The following CRYBG3 variants were observed in gnomAD, a reference collection of about 807,000 sequenced individuals.
The protein encoded by CRYBG3 is very large A-kinase anchor protein.
In CRYBG3, 127 loss-of-function variants were observed where a neutral mutation model predicts 244.2. That is an observed-to-expected ratio of 0.52 (90% CI 0.45 to 0.60). CRYBG3 has a LOEUF of 0.60. Among genes scored for constraint, CRYBG3 ranks in the 20% least tolerant of loss-of-function variants. CRYBG3 has a pLI of 0.00. For synonymous variants in CRYBG3, 1,132 were observed against 1,195.8 expected (o/e 0.95, Z 1.10); for missense variants, 3,325 against 3,442.5 (o/e 0.97, Z 0.85).
At chr3:97,862,741 G>C (rs1274145852) in intron 2 of CRYBG3, among the ~76,000 whole-genome samples, 1 of 148,614 alleles carries the variant, frequency 6.7e-6, no homozygotes, top group Non-Finnish European at 1.5e-5. Flanking sequence ...AATTGTAGTT[G>C]AAACTAGTGA....
intron 10 of CRYBG3, among the ~76,000 whole-genome samples, chr3:97,892,260 A>G (rs1027312996): frequency 1.3e-5 from 2 of 152,162 alleles, no homozygotes; most frequent in Non-Finnish European, 2.9e-5. Context: ...GAAATTGTGC[A>G]GGCTGAACCA....
At chr3:97,847,677 T>C (rs879373858) in intron 2 of CRYBG3, among the ~76,000 whole-genome samples, 2 of 152,212 alleles carry the variant, frequency 1.3e-5, no homozygotes, top group African/African-American at 2.4e-5. Context: ...CAGGCCTCAA[T>C]ACATCAATGA....
chr3:97,901,368 T>C (rs886279323), intron 15 of CRYBG3, among the ~76,000 whole-genome samples: 1 of 152,198 alleles, frequency 6.6e-6, no homozygotes, highest in Non-Finnish European at 1.5e-5. Flanking sequence ...ATGCTCAGTG[T>C]TTTTCTCTGA....
At position 97,888,327 on chromosome 3, in the gene CRYBG3, C is replaced by G. The variant is rs761125986; in HGVS notation, c.7290-14C>G. The G allele has an allele frequency of 6.9e-7, 1 of 1,452,700 alleles. No homozygotes were observed. The highest frequency in any genetic ancestry group is 2.3e-5 in the East Asian group (1 of 44,006). The allele number at this position is 1,452,700 out of a possible 1,614,324, so 90.0% of individuals were successfully genotyped here. A position where few individuals can be genotyped will look rare whatever the true frequency, so the allele number is the denominator to read the frequency against. On this transcript the variant is annotated splice_polypyrimidine_tract_variant and intron_variant, in intron 8 of 21. Transcript: ENST00000389622. The stretch of plus-strand genomic sequence containing the variant: ...GTACTATTATACTTTAACTAACTAT[C>G]TATTTTTATATAGTTGGCTTGCCTA...
Position 97,944,884 on chromosome 3 carries a change from G to A in CRYBG3, c.*1570G>A. The stretch of plus-strand genomic sequence containing the variant: ...TGTTTCTTCCAAAGAACAAAGCCAG[G>A]TTAATGACATTCAATTCTAAATGAT... On this transcript the variant is annotated 3_prime_UTR_variant, in exon 22 of 22. Transcript: ENST00000389622. The A allele has an allele frequency of 5.0e-6, 1 of 200,020 alleles. No homozygotes were observed. Among genetic ancestry groups the A allele is most frequent in the Non-Finnish European group, 1.0e-5 (1 of 99,968 alleles). 12.4% of individuals were successfully genotyped at this position (200,020 alleles called of 1,614,324 possible). A position where few individuals can be genotyped will look rare whatever the true frequency, so the allele number is the denominator to read the frequency against.
intron 17 of CRYBG3, among the ~76,000 whole-genome samples, chr3:97,925,504 T>A (rs1177223104): frequency 6.6e-6 from 1 of 152,048 alleles, no homozygotes; most frequent in Non-Finnish European, 1.5e-5. Context: ...TGAAATATAG[T>A]AGTTACAATG....
rs1422790505 is a variant in CRYBG3 at position 97,872,827 on chromosome 3, G to T, written c.1633G>T (p.Val545Leu). 1 of 1,535,950 alleles carries T rather than the reference G, an allele frequency of 6.5e-7. No homozygotes were observed. The highest frequency in any genetic ancestry group is 2.0e-5 in the Admixed American group (1 of 50,978). Reference protein sequence around the residue: ...SAGESIASSHVKAPEDKIESL... With the variant: ...SAGESIASSHLKAPEDKIESL... Reference sequence around the variant, plus strand: ...TGGTGAATCCATAGCTTCAAGTCATGTAAAAGCTCCAGAAGATAAAATTGA... The same window carrying T: ...TGGTGAATCCATAGCTTCAAGTCATTTAAAAGCTCCAGAAGATAAAATTGA... The change falls in exon 4 of 22, where the codon GTA (valine) becomes TTA (leucine). Residue 545 changes from valine to leucine, a missense_variant. Val to Leu is a conservative substitution (Grantham distance 32, BLOSUM62 1). Around this residue, in one of 4 missense-constraint regions of CRYBG3, gnomAD observed 1,526 missense variants for 1,443.2 expected, o/e 1.06. Transcript: ENST00000389622.
At chr3:97,937,478 A>G (rs2040177195) in intron 19 of CRYBG3, among the ~76,000 whole-genome samples, 1 of 152,072 alleles carries the variant, frequency 6.6e-6, no homozygotes, top group Non-Finnish European at 1.5e-5. Flanking sequence ...CACCCTCTGT[A>G]TCGTGTTCTT....
intron 1 of CRYBG3, among the ~76,000 whole-genome samples, chr3:97,832,582 A>G (rs1383972038): frequency 6.6e-6 from 1 of 152,190 alleles, no homozygotes; most frequent in African/African-American, 2.4e-5. Flanking sequence ...GATGGATTAA[A>G]GACTTAAATG....
Position 97,877,453 on chromosome 3 carries a change from C to T in CRYBG3, c.6259C>T (p.Pro2087Ser), listed in dbSNP as rs1466748949. The change falls in exon 4 of 22, where the codon CCC (proline) becomes TCC (serine). Residue 2087 changes from proline to serine, a missense_variant. Pro to Ser is a moderately conservative substitution (Grantham distance 74). This residue lies in a region of CRYBG3 where 450 missense variants were observed against 424.1 expected (regional missense o/e 1.06). Transcript: ENST00000389622. The stretch of plus-strand genomic sequence containing the variant: ...CAAAATTTATCCTTTAGCATTGTCT[C>T]CCATTTATGAGGATGACAGCTCACA... Reference protein sequence around the residue: ...RYKIYPLALSPIYEDDSSQED... With the variant: ...RYKIYPLALSSIYEDDSSQED... 9.9e-6 allele frequency: 16 copies of T among 1,614,108 alleles called. No homozygotes were observed. Among genetic ancestry groups the T allele is most frequent in the Non-Finnish European group, 1.3e-5 (15 of 1,179,992 alleles).
rs2039535188 is a variant in CRYBG3, at chr3:97,888,505, C to A, written c.7404+50C>A. ...TCCTTTTCCCAAGTACCCATGAATC[C>A]AAAATTAAATAACCATGATGTTTGC... On this transcript the variant is annotated intron_variant, in intron 9 of 21. Coordinates refer to ENST00000389622, the MANE Select transcript of CRYBG3 (RefSeq NM_153605.4). The A allele has an allele frequency of 2.4e-5, 28 of 1,190,814 alleles. No homozygotes were observed. In the East Asian group the frequency reaches 6.6e-4, roughly 28 times the overall value. 73.8% of individuals were successfully genotyped at this position (1,190,814 alleles called of 1,614,324 possible). A position where few individuals can be genotyped will look rare whatever the true frequency, so the allele number is the denominator to read the frequency against.
At chr3:97,931,298 T>G (rs944393144) in intron 17 of CRYBG3, among the ~76,000 whole-genome samples, 6 of 152,112 alleles carry the variant, frequency 3.9e-5, no homozygotes, top group Non-Finnish European at 8.8e-5. Context: ...TCCCTCGACA[T>G]GGAAAGAATT....
At chr3:97,879,769 C>G (rs2039424001) in intron 5 of CRYBG3, 21 bp downstream of exon 5, 1 of 1,572,942 alleles carries the variant, frequency 6.4e-7, no homozygotes, top group African/African-American at 1.4e-5. Context: ...CTTTCTCAAA[C>G]TAAGATAAAG....
At chr3:97,857,964 A>G (rs1202829907) in intron 2 of CRYBG3, among the ~76,000 whole-genome samples, 1 of 151,958 alleles carries the variant, frequency 6.6e-6, no homozygotes, top group African/African-American at 2.4e-5. Context: ...TCATTTATGT[A>G]TCTTCTCTAT....
At chr3:97,928,946 G>A (rs1283314600) in intron 17 of CRYBG3, among the ~76,000 whole-genome samples, 1 of 151,926 alleles carries the variant, frequency 6.6e-6, no homozygotes, top group Non-Finnish European at 1.5e-5. Context: ...CACATATTAA[G>A]TGCTATATAT....
rs944299910 is a variant in CRYBG3, at chr3:97,892,984, TTGG to T, written c.7569_7571del (p.Gly2524del). ...CACAGAATTGGATCAATTCGTGTCATTGGTGGAGTGTGAGTATCATATTTTTAA... is the reference window on the plus strand; with the variant it reads ...CACAGAATTGGATCAATTCGTGTCATTGGAGTGTGAGTATCATATTTTTAA... On this transcript the variant is annotated inframe_deletion, in exon 11 of 22. Coordinates refer to ENST00000389622, the MANE Select transcript of CRYBG3 (RefSeq NM_153605.4). 7 of 1,596,672 alleles carry T rather than the reference TTGG, an allele frequency of 4.4e-6. No homozygotes were observed. In the African/African-American group the frequency reaches 5.4e-5, roughly 12 times the overall value.
At chr3:97,933,102 G>A in intron 17 of CRYBG3, 1 of 454,728 alleles carries the variant, frequency 2.2e-6, no homozygotes, top group Non-Finnish European at 4.4e-6. Flanking sequence ...ATGGTGTCTT[G>A]CATACATTAA....
In CRYBG3 at chr3:97,933,716, G is replaced by C. The variant is rs759160984; in HGVS notation, c.8264G>C (p.Ser2755Thr). The change falls in exon 18 of 22, where the codon AGC becomes ACC. Residue 2755 changes from serine to threonine, a missense_variant. Ser to Thr is a moderately conservative substitution (Grantham distance 58). Coordinates refer to ENST00000389622, the MANE Select transcript of CRYBG3 (RefSeq NM_153605.4). ...IDYVFEEPSI[S>T]LFALEHCEGR... The stretch of plus-strand genomic sequence containing the variant: ...TAGGTTTTTGAAGAACCCTCCATCA[G>C]CCTTTTTGCTCTGGAGCATTGTGAG... 6.2e-7 allele frequency: 1 copy of C among 1,612,942 alleles called. No homozygotes were observed. Among genetic ancestry groups the C allele is most frequent in the African/African-American group, 1.3e-5 (1 of 74,840 alleles).
intron 7 of CRYBG3, among the ~76,000 whole-genome samples, chr3:97,883,299 T>C (rs2039471277): frequency 6.6e-6 from 1 of 152,204 alleles, no homozygotes; most frequent in Non-Finnish European, 1.5e-5. Context: ...AGATAACCAT[T>C]TGAGTGCTCA....
Sources: allele counts gnomAD v4.1 joint callset (sites outside exome capture counted in the v4.1 genomes callset), GRCh38; gene constraint gnomAD v4.1.1; regional missense constraint gnomAD v4.1.1; transcripts MANE v1.5; gene names NCBI Gene and HGNC (gene_info 2026-07-23, HGNC 2026-07-21).